THSD7B: variants seen among roughly 807,000 people sequenced by gnomAD.
The protein encoded by THSD7B is thrombospondin type-1 domain-containing protein 7B.
THSD7B carries 138 observed loss-of-function variants against 213.6 expected under a neutral mutation model. The ratio of observed to expected loss-of-function variants is 0.65; its 90% confidence interval spans 0.56 to 0.74. The LOEUF (loss-of-function observed/expected upper bound fraction) is 0.74. THSD7B is among the 30% of genes least tolerant of loss of function. The pLI is 0.00. For missense variants in THSD7B, 1,931 were observed against 1,991.5 expected (o/e 0.97, Z 0.58); for synonymous variants, 742 against 687.0 (o/e 1.08, Z -1.25).
At chr2:137,448,839 A>AACAAC (rs1278585297) in intron 14 of THSD7B, among the ~76,000 whole-genome samples, 5 of 138,230 alleles carry the variant, frequency 3.6e-5, no homozygotes, top group African/African-American at 1.3e-4. Flanking sequence ...ACAACAACAA[A>AACAAC]AACTACCCTT....
At chr2:137,180,667 G>T (rs1680437058) in intron 7 of THSD7B, among the ~76,000 whole-genome samples, 1 of 152,162 alleles carries the variant, frequency 6.6e-6, no homozygotes, top group Non-Finnish European at 1.5e-5. Flanking sequence ...GATGTTGATA[G>T]TTTAAAGTCA....
At chr2:137,661,565 G>A (rs536873621) in intron 25 of THSD7B, among the ~76,000 whole-genome samples, 7 of 152,082 alleles carry the variant, frequency 4.6e-5, no homozygotes, top group South Asian at 2.1e-4. Flanking sequence ...TGCCTCCTCC[G>A]AGGAAATAAT....
At chr2:137,675,564 T>A (rs1683681725) in intron 27 of THSD7B, among the ~76,000 whole-genome samples, 1 of 151,950 alleles carries the variant, frequency 6.6e-6, no homozygotes, top group Admixed American at 6.6e-5. Flanking sequence ...TGGTAGTCCT[T>A]CTCTGTAAAG....
intron 11 of THSD7B, among the ~76,000 whole-genome samples, chr2:137,274,710 T>C (rs1682827804): frequency 6.6e-6 from 1 of 152,192 alleles, no homozygotes; most frequent in South Asian, 2.1e-4. Context: ...TTAAGGAAAT[T>C]GAGTGAATCA....
At chr2:137,232,290 C>T (rs757309424) in intron 8 of THSD7B, among the ~76,000 whole-genome samples, 2 of 152,148 alleles carry the variant, frequency 1.3e-5, no homozygotes, top group Non-Finnish European at 2.9e-5. Flanking sequence ...GTCTGGTCTT[C>T]CTGCCAGGGG....
chr2:136,920,842 C>T (rs1014788679), intron 2 of THSD7B, among the ~76,000 whole-genome samples: 1 of 152,170 alleles, frequency 6.6e-6, no homozygotes, highest in Non-Finnish European at 1.5e-5. Context: ...TGGCAGGGGG[C>T]TTATGCGTCA....
chr2:137,288,865 A>T (rs1683248887), intron 12 of THSD7B, among the ~76,000 whole-genome samples: 1 of 151,906 alleles, frequency 6.6e-6, no homozygotes, highest in South Asian at 2.1e-4. Flanking sequence ...TTGAAAGCAC[A>T]GAGGGCATGT....
chr2:137,536,176 C>T (rs1680502117), intron 15 of THSD7B, among the ~76,000 whole-genome samples: 1 of 150,506 alleles, frequency 6.6e-6, no homozygotes, highest in East Asian at 2.1e-4. Flanking sequence ...GAGTAGGAGA[C>T]TGAATTGGTC....
At chr2:137,564,352 G>GT (rs1681189004) in intron 16 of THSD7B, among the ~76,000 whole-genome samples, 1 of 152,148 alleles carries the variant, frequency 6.6e-6, no homozygotes, top group South Asian at 2.1e-4. Context: ...AAAATCACTG[G>GT]TAGTCATGTT....
At chr2:136,928,422 ATTTGTATAGCG>A (rs1445617753) in intron 2 of THSD7B, among the ~76,000 whole-genome samples, 1 of 152,190 alleles carries the variant, frequency 6.6e-6, no homozygotes, top group East Asian at 1.9e-4. Flanking sequence ...TTTTGAAAGC[ATTTGTATAGCG>A]TTTGTTTTTA....
chr2:137,255,083 T>C (rs1250448394), intron 10 of THSD7B, among the ~76,000 whole-genome samples: 1 of 152,234 alleles, frequency 6.6e-6, no homozygotes. Flanking sequence ...TAACATTATA[T>C]ATGACCAACA....
intron 12 of THSD7B, among the ~76,000 whole-genome samples, chr2:137,375,057 G>T (rs370352069): frequency 2.9e-4 from 44 of 152,168 alleles, no homozygotes; most frequent in African/African-American, 9.7e-4. Flanking sequence ...CATTTTATCA[G>T]ATCTCATTAC....
At chr2:136,893,410 T>G (rs186694263) in intron 2 of THSD7B, among the ~76,000 whole-genome samples, 1 of 152,304 alleles carries the variant, frequency 6.6e-6, no homozygotes, top group Non-Finnish European at 1.5e-5. Context: ...CCCTGCACCT[T>G]TTTCGGCCAT....
rs773677139 is a variant in THSD7B at position 136,954,740 on chromosome 2, T to TAAAAAAAAAAAG, written c.139+72424_139+72425insAAAAAAAAAAGA. On this transcript the variant is annotated intron_variant, in intron 2 of 27. Transcript: ENST00000409968. ...AAAAAAAAAAAAAAAAAAAAGAAAT[T>TAAAAAAAAAAAG]ACATAAGAGCTTTTATACTGTTTAT... is the stretch of plus-strand genomic sequence containing the variant. Among the ~76,000 whole-genome samples, 12 of 137,484 alleles carry TAAAAAAAAAAAG rather than the reference T, an allele frequency of 8.7e-5. 1 individual carries two copies. Among genetic ancestry groups the TAAAAAAAAAAAG allele is most frequent in the African/African-American group, 3.7e-4 (12 of 32,328 alleles). 90.2% of individuals were successfully genotyped at this position (137,484 alleles called of 152,430 possible). A position where few individuals can be genotyped will look rare whatever the true frequency, so the allele number is the denominator to read the frequency against.
chr2:137,582,947 C>G (rs536628758), intron 17 of THSD7B, among the ~76,000 whole-genome samples: 6 of 152,286 alleles, frequency 3.9e-5, no homozygotes, highest in East Asian at 3.9e-4. Flanking sequence ...TTAGTTTACA[C>G]TCCCACCAAC....
intron 12 of THSD7B, among the ~76,000 whole-genome samples, chr2:137,362,542 T>G (rs1020123141): frequency 3.9e-5 from 6 of 152,020 alleles, no homozygotes; most frequent in African/African-American, 1.5e-4. Context: ...GAGGAAGATC[T>G]GCCAAGCAAA....
chr2:137,098,553 A>G (rs1033988109), intron 4 of THSD7B, among the ~76,000 whole-genome samples: 3 of 152,222 alleles, frequency 2.0e-5, no homozygotes, highest in Non-Finnish European at 2.9e-5. Context: ...AAATTAAACA[A>G]TGTCCCTAGA....
At chr2:137,546,664 T>C (rs75314335) in intron 15 of THSD7B, among the ~76,000 whole-genome samples, 5,365 of 147,666 alleles carry the variant, frequency 0.036, 163 homozygotes, top group Admixed American at 0.083. Flanking sequence ...TCTCAATAAA[T>C]ATCAGAGAAA....
chr2:137,441,253 A>T (rs1171344699), intron 14 of THSD7B, among the ~76,000 whole-genome samples: 1 of 152,074 alleles, frequency 6.6e-6, no homozygotes, highest in African/African-American at 2.4e-5. Flanking sequence ...TCTCTTCTTC[A>T]TTCCAGTGCC....
Sources: gnomAD v4.1 joint callset for allele counts (sites outside exome capture counted in the v4.1 genomes callset) on GRCh38, gnomAD v4.1.1 for gene constraint, MANE v1.5 for transcripts, NCBI Gene and HGNC (gene_info 2026-07-23, HGNC 2026-07-21) for gene names.